PIK3AP1: variants seen among roughly 807,000 people sequenced by gnomAD.
PIK3AP1 encodes phosphoinositide-3-kinase adaptor protein 1.
In PIK3AP1, 21 loss-of-function variants were observed where a neutral mutation model predicts 88.1. That is an observed-to-expected ratio of 0.24 (90% CI 0.17 to 0.34). The LOEUF is 0.34. Among genes scored for constraint, PIK3AP1 ranks in the 10% least tolerant of loss-of-function variants. PIK3AP1 has a pLI of 1.00. For synonymous variants in PIK3AP1, 398 were observed against 400.0 expected (o/e 1.00, Z 0.06); for missense variants, 828 against 1,035.7 (o/e 0.80, Z 2.75).
rs929905140 is a variant in PIK3AP1 at position 96,644,727 on chromosome 10, C to T, written c.1375+746G>A. 5.5e-4 allele frequency among the ~76,000 whole-genome samples: 84 copies of T among 152,280 alleles called. 1 individual carries two copies. The highest frequency in any genetic ancestry group is 1.9e-3 in the African/African-American group (81 of 41,558). Reference sequence around the variant, plus strand: ...AATGCAATAAAATCAAATTACCCCTCGCCCCCCAAAAAATCTGCTTATTAT... The same window carrying T: ...AATGCAATAAAATCAAATTACCCCTTGCCCCCCAAAAAATCTGCTTATTAT... On this transcript the variant is annotated intron_variant, in intron 8 of 16. Coordinates refer to ENST00000339364, the MANE Select transcript of PIK3AP1 (RefSeq NM_152309.3).
chr10:96,602,412 G>A lies in PIK3AP1; in HGVS notation c.2242-14C>T. The A allele has an allele frequency of 6.2e-7, 1 of 1,601,860 alleles. No homozygotes were observed. The highest frequency in any genetic ancestry group is 8.5e-7 in the Non-Finnish European group (1 of 1,169,688). On this transcript the variant is annotated splice_polypyrimidine_tract_variant and intron_variant, in intron 15 of 16. Transcript: ENST00000339364. Reference sequence around the variant, plus strand: ...GACTTCATTATCCTACAGCAAAGAAGATGAGAAAGAAAGGCGAAAACTACA... The same window carrying A: ...GACTTCATTATCCTACAGCAAAGAAAATGAGAAAGAAAGGCGAAAACTACA...
At chr10:96,619,013 C>T (rs1433941449) in intron 12 of PIK3AP1, among the ~76,000 whole-genome samples, 1 of 152,184 alleles carries the variant, frequency 6.6e-6, no homozygotes, top group Admixed American at 6.5e-5. Flanking sequence ...ACTAAAAAGG[C>T]AGAAGGCATA....
intron 2 of PIK3AP1, among the ~76,000 whole-genome samples, chr10:96,688,596 C>T (rs1245825627): frequency 2.0e-5 from 3 of 152,088 alleles, no homozygotes; most frequent in African/African-American, 7.2e-5. Context: ...GTCAGGAGTT[C>T]GAGACCAGCC....
In PIK3AP1 at chr10:96,604,043, G is replaced by A. The variant is rs113976248; in HGVS notation, c.2177C>T (p.Thr726Ile). The A allele has an allele frequency of 3.8e-5, 61 of 1,599,680 alleles. No homozygotes were observed. The African/African-American group carries it at 6.7e-4, about 18-fold the overall frequency. ...GCTCCGGGTGCTGGAGCGGTTACTT[G>A]TGCTACCTAAAGGGTAGAAAGAAAA... is the stretch of plus-strand genomic sequence containing the variant. ...TDSTSSTASS[T>I]SNRSSTRSLL... The change falls in exon 15 of 17, where the codon ACA (threonine) becomes ATA (isoleucine). Residue 726 changes from threonine (T) to isoleucine (I), a missense_variant. Physicochemically the swap from Thr to Ile is moderately conservative, Grantham distance 89. This residue lies in a region of PIK3AP1 where 191 missense variants were observed against 208.6 expected (regional missense o/e 0.92). Transcript: ENST00000339364.
At chr10:96,641,024 T>C (rs1843379122) in intron 8 of PIK3AP1, among the ~76,000 whole-genome samples, 1 of 151,824 alleles carries the variant, frequency 6.6e-6, no homozygotes, top group South Asian at 2.1e-4. Context: ...GAAGGTTTGA[T>C]AACAAGACAC....
chr10:96,702,129 C>T (rs1039952581), intron 2 of PIK3AP1, among the ~76,000 whole-genome samples: 9 of 152,212 alleles, frequency 5.9e-5, no homozygotes, highest in Non-Finnish European at 8.8e-5. Context: ...GAGAATACAA[C>T]GGTGTTTACC....
intron 14 of PIK3AP1, among the ~76,000 whole-genome samples, chr10:96,607,514 C>T (rs1052933852): frequency 3.9e-5 from 6 of 152,070 alleles, no homozygotes; most frequent in South Asian, 2.1e-4. Context: ...GTCAACCTCC[C>T]GCCCAGGATC....
At chr10:96,676,656 T>G (rs866173284) in intron 2 of PIK3AP1, among the ~76,000 whole-genome samples, 11 of 72,456 alleles carry the variant, frequency 1.5e-4, no homozygotes, top group South Asian at 1.3e-3. Context: ...TTTCTGGGGT[T>G]TTTTTTTTTT....
At chr10:96,672,221 C>T (rs531019078) in intron 2 of PIK3AP1, among the ~76,000 whole-genome samples, 3 of 152,300 alleles carry the variant, frequency 2.0e-5, no homozygotes, top group African/African-American at 7.2e-5. Flanking sequence ...CATATGCAAT[C>T]GTTTTGCCAT....
At chr10:96,660,718 C>T (rs958834672) in intron 2 of PIK3AP1, among the ~76,000 whole-genome samples, 1 of 152,126 alleles carries the variant, frequency 6.6e-6, no homozygotes, top group African/African-American at 2.4e-5. Flanking sequence ...ATGTTTATAG[C>T]AGCTTTGTTC....
At chr10:96,665,598 C>T (rs1392301428) in intron 2 of PIK3AP1, among the ~76,000 whole-genome samples, 1 of 152,168 alleles carries the variant, frequency 6.6e-6, no homozygotes, top group Non-Finnish European at 1.5e-5. Flanking sequence ...GGTGTCTGGG[C>T]TCTTCATTTA....
intron 8 of PIK3AP1, among the ~76,000 whole-genome samples, chr10:96,638,023 A>C (rs1387759127): frequency 3.9e-5 from 6 of 152,126 alleles, no homozygotes; most frequent in Non-Finnish European, 5.9e-5. Flanking sequence ...TGGACTTCTG[A>C]GTTGATGCTG....
chr10:96,711,437 A>C (rs191012299), intron 1 of PIK3AP1, among the ~76,000 whole-genome samples: 1 of 152,240 alleles, frequency 6.6e-6, no homozygotes, highest in Non-Finnish European at 1.5e-5. Context: ...GTGAGTATAA[A>C]GTGTCCATAC....
chr10:96,688,331 C>A (rs976698325), intron 2 of PIK3AP1, among the ~76,000 whole-genome samples: 1 of 152,122 alleles, frequency 6.6e-6, no homozygotes, highest in Non-Finnish European at 1.5e-5. Flanking sequence ...GGATAAGTCA[C>A]AGGAACTTAG....
chr10:96,685,878 C>T (rs1267876619), intron 2 of PIK3AP1, among the ~76,000 whole-genome samples: 4 of 152,310 alleles, frequency 2.6e-5, no homozygotes, highest in Non-Finnish European at 4.4e-5. Flanking sequence ...AAACTAGCCA[C>T]CAACAGACTA....
chr10:96,708,574 CAAAAAAAAAAAAAAA>C (rs924470384), intron 2 of PIK3AP1, among the ~76,000 whole-genome samples: 6 of 12,828 alleles, frequency 4.7e-4, no homozygotes, highest in East Asian at 2.4e-3. Flanking sequence ...GGATCTGTCT[CAAAAAAAAAAAAAAA>C]AAAAAAAAAA....
At chr10:96,634,123 C>A (rs1843282163) in intron 8 of PIK3AP1, among the ~76,000 whole-genome samples, 1 of 152,218 alleles carries the variant, frequency 6.6e-6, no homozygotes, top group African/African-American at 2.4e-5. Flanking sequence ...GCAATTCCAA[C>A]AGCTCTTTCA....
Position 96,600,836 on chromosome 10 carries a change from G to A in PIK3AP1, c.2360+1444C>T, listed in dbSNP as rs538134901. Among the ~76,000 whole-genome samples the A allele has an allele frequency of 6.6e-5, 10 of 152,210 alleles. No homozygotes were observed. The South Asian group carries it at 1.5e-3, about 22-fold the overall frequency. Reference sequence around the variant, plus strand: ...ACATGAACATTTTATTTTAAACATCGAAGAGTTAACTCCTCAGACAAGCCT... The same window carrying A: ...ACATGAACATTTTATTTTAAACATCAAAGAGTTAACTCCTCAGACAAGCCT... On this transcript the variant is annotated intron_variant, in intron 16 of 16. Coordinates refer to ENST00000339364, the MANE Select transcript of PIK3AP1 (RefSeq NM_152309.3).
At chr10:96,654,262 G>T (rs910526581) in intron 3 of PIK3AP1, among the ~76,000 whole-genome samples, 1 of 152,108 alleles carries the variant, frequency 6.6e-6, no homozygotes, top group Non-Finnish European at 1.5e-5. Flanking sequence ...CTGGTTACGT[G>T]GGGGGAATGA....
Sources: gnomAD v4.1 joint callset for allele counts (sites outside exome capture counted in the v4.1 genomes callset) on GRCh38, gnomAD v4.1.1 for gene constraint, gnomAD v4.1.1 regional missense constraint, MANE v1.5 for transcripts, NCBI Gene and HGNC (gene_info 2026-07-23, HGNC 2026-07-21) for gene names.